The following RIGI variants were observed in gnomAD, a reference collection of about 807,000 sequenced individuals.
RIGI encodes antiviral innate immune response receptor RIG-I.
chr9:32,522,109 A>T, the RIGI span, among the ~76,000 whole-genome samples: 1 of 152,210 alleles, frequency 6.6e-6, no homozygotes, highest in East Asian at 1.9e-4. Flanking sequence ...CATGTTTATA[A>T]AGATTACTAA....
At chr9:32,481,903 TC>T in the RIGI span, among the ~76,000 whole-genome samples, 1 of 152,118 alleles carries the variant, frequency 6.6e-6, no homozygotes, top group Non-Finnish European at 1.5e-5. Context: ...TTTCTTACTC[TC>T]TGCAAACAGG....
the RIGI span, among the ~76,000 whole-genome samples, chr9:32,486,201 TA>T: frequency 6.6e-6 from 1 of 151,948 alleles, no homozygotes; most frequent in Non-Finnish European, 1.5e-5. Context: ...CCTGTAATCC[TA>T]ACACTTTGGG....
chr9:32,519,889 T>C, the RIGI span, among the ~76,000 whole-genome samples: 1 of 152,324 alleles, frequency 6.6e-6, no homozygotes, highest in Middle Eastern at 3.4e-3. Flanking sequence ...AAACAAAATA[T>C]GTACATACAA....
the RIGI span, among the ~76,000 whole-genome samples, chr9:32,517,624 G>A: frequency 3.3e-5 from 5 of 152,196 alleles, no homozygotes; most frequent in African/African-American, 7.2e-5. Flanking sequence ...TAGATAATTT[G>A]AGGTATCAGA....
chr9:32,466,434 T>C, the RIGI span: 6 of 1,604,310 alleles, frequency 3.7e-6, no homozygotes, highest in Non-Finnish European at 5.1e-6. Context: ...CTCTTGCTCT[T>C]CCTCTGCCTA....
chr9:32,523,062 T>G, the RIGI span, among the ~76,000 whole-genome samples: 4 of 151,968 alleles, frequency 2.6e-5, no homozygotes, highest in African/African-American at 7.3e-5. Context: ...CCCTCCAGAG[T>G]CCATTTTCCA....
the RIGI span, among the ~76,000 whole-genome samples, chr9:32,507,063 C>G: frequency 1.3e-5 from 2 of 151,954 alleles, no homozygotes; most frequent in South Asian, 2.1e-4. Context: ...TTTTTTAAAC[C>G]TATGATTAAT....
At chr9:32,503,363 T>A in the RIGI span, among the ~76,000 whole-genome samples, 4 of 152,162 alleles carry the variant, frequency 2.6e-5, no homozygotes, top group African/African-American at 9.6e-5. Flanking sequence ...TAGTGACAAT[T>A]TCCTCAAAAG....
chr9:32,491,243 C>G, the RIGI span: 2 of 1,587,308 alleles, frequency 1.3e-6, no homozygotes, highest in Non-Finnish European at 8.5e-7. Context: ...CAAAACAAGC[C>G]CCCACACCAA....
At chr9:32,480,150 C>A in the RIGI span, 1 of 1,532,088 alleles carries the variant, frequency 6.5e-7, no homozygotes, top group Non-Finnish European at 8.9e-7. Context: ...AAATGCAATA[C>A]ATGTTTGTTT....
the RIGI span, among the ~76,000 whole-genome samples, chr9:32,503,413 T>A: frequency 6.6e-6 from 1 of 152,122 alleles, no homozygotes; most frequent in Non-Finnish European, 1.5e-5. Flanking sequence ...TGACAGTATT[T>A]CCCACTGCCT....
At chr9:32,459,387 T>A in the RIGI span, 1 of 1,613,672 alleles carries the variant, frequency 6.2e-7, no homozygotes, top group Non-Finnish European at 8.5e-7. Flanking sequence ...CACTCTTACG[T>A]CAGCTGTGTA....
chr9:32,508,239 A>ATTTTTTTTTTTTTTTATTTTTTTTTTTTT, the RIGI span, among the ~76,000 whole-genome samples: 1 of 70,336 alleles, frequency 1.4e-5, no homozygotes, highest in Non-Finnish European at 2.6e-5. Context: ...TATTTACTTA[A>ATTTTTTTTTTTTTTTATTTTTTTTTTTTT]TTTTTTTTTT....
the RIGI span, chr9:32,473,209 T>C: frequency 2.1e-6 from 1 of 478,212 alleles, no homozygotes. Context: ...AAAAAAGCAT[T>C]TTGGAATTGA....
the RIGI span, among the ~76,000 whole-genome samples, chr9:32,483,324 C>T: frequency 2.3e-4 from 35 of 152,074 alleles, no homozygotes; most frequent in Non-Finnish European, 3.1e-4. Flanking sequence ...GCAGCTACAG[C>T]GAGGTGGCCA....
At chr9:32,493,633 A>G in the RIGI span, 1 of 623,134 alleles carries the variant, frequency 1.6e-6, no homozygotes, top group Non-Finnish European at 2.6e-6. Flanking sequence ...AAAAAAAAAA[A>G]AGTACTATTC....
chr9:32,512,597 A>G, the RIGI span, among the ~76,000 whole-genome samples: 1 of 152,184 alleles, frequency 6.6e-6, no homozygotes, highest in South Asian at 2.1e-4. Context: ...TTTATGACAA[A>G]CCCACAGCCA....
the RIGI span, chr9:32,498,298 G>A: frequency 2.2e-6 from 1 of 456,692 alleles, no homozygotes; most frequent in South Asian, 1.5e-5. Context: ...CCCATAGAAA[G>A]GCATGAAGCT....
the RIGI span, among the ~76,000 whole-genome samples, chr9:32,470,659 AG>A: frequency 1.3e-5 from 2 of 152,222 alleles, no homozygotes; most frequent in Non-Finnish European, 2.9e-5. Flanking sequence ...AGTCATGAAG[AG>A]GTTAGGTAAC....
Sources: gnomAD v4.1 joint callset for allele counts (sites outside exome capture counted in the v4.1 genomes callset) on GRCh38, gnomAD v4.1.1 for gene constraint, MANE v1.5 for transcripts, NCBI Gene and HGNC (gene_info 2026-07-23, HGNC 2026-07-21) for gene names.